Variants in MX1 observed in about 807,000 individuals in gnomAD.
MX1 encodes interferon-induced GTP-binding protein Mx1.
A neutral mutation model predicts 66.4 loss-of-function variants in MX1; 66 were observed. The ratio of observed to expected loss-of-function variants is 0.99; its 90% CI spans 0.82 to 1.22. The LOEUF (loss-of-function observed/expected upper bound fraction) is 1.22, where lower values mean the gene tolerates loss of function less well. Ranked by LOEUF, MX1 falls within the 50% of genes most tolerant of loss-of-function variation. MX1 has a pLI of 0.00. For missense variants in MX1, 787 were observed against 834.3 expected (o/e 0.94, Z 0.70); for synonymous variants, 311 against 318.1 (o/e 0.98, Z 0.24).
intron 4 of MX1, among the ~76,000 whole-genome samples, chr21:41,431,259 G>T (rs1211835011): frequency 6.6e-6 from 1 of 152,192 alleles, no homozygotes; most frequent in Non-Finnish European, 1.5e-5. Flanking sequence ...CTGACCTCAG[G>T]TGATCCACTC....
At chr21:41,431,019 G>GT (rs2090196173) in intron 4 of MX1, among the ~76,000 whole-genome samples, 2 of 152,252 alleles carry the variant, frequency 1.3e-5, no homozygotes, top group South Asian at 4.1e-4. Context: ...TAAATGTAAA[G>GT]TTTTTGTTTG....
At chr21:41,434,238 T>C (rs550534236) in intron 5 of MX1, among the ~76,000 whole-genome samples, 2 of 152,214 alleles carry the variant, frequency 1.3e-5, no homozygotes, top group African/African-American at 4.8e-5. Context: ...TCAGCCCACT[T>C]TAGGAAAATT....
At chr21:41,429,752 C>CA (rs1367441064) in intron 3 of MX1, 4 of 151,704 alleles carry the variant, frequency 2.6e-5, no homozygotes, top group African/African-American at 9.7e-5. Context: ...TAAATAAATA[C>CA]AAAAAATTAG....
chr21:41,425,828 T>C (rs940440391), upstream of MX1, among the ~76,000 whole-genome samples: 10 of 152,120 alleles, frequency 6.6e-5, no homozygotes, highest in African/African-American at 2.4e-4. Context: ...ACACAATGCC[T>C]GGGAGTCCCT....
chr21:41,429,307 C>G (rs1218545838), intron 3 of MX1: 1 of 152,138 alleles, frequency 6.6e-6, no homozygotes, highest in African/African-American at 2.4e-5. Context: ...CAGACAAAAC[C>G]CATAAGGTTT....
intron 7 of MX1, among the ~76,000 whole-genome samples, chr21:41,437,797 T>C (rs1170768311): frequency 6.6e-6 from 1 of 152,232 alleles, no homozygotes; most frequent in Non-Finnish European, 1.5e-5. Flanking sequence ...CCTCCCCCTG[T>C]TCCTTTGTAC....
Position 41,458,563 on chromosome 21 carries a change from G to A in MX1, c.1794G>A (p.Leu598=). Residue 598 remains leucine, a synonymous_variant, in exon 17 of 17, where the codon TTG becomes TTA. Coordinates refer to ENST00000398598, the MANE Select transcript of MX1 (RefSeq NM_002462.5). ...AGCGCATCTCCAGCCACATCCCTTTGATCATCCAGTTCTTCATGCTCCAGA... is the reference window on the plus strand; with the variant it reads ...AGCGCATCTCCAGCCACATCCCTTTAATCATCCAGTTCTTCATGCTCCAGA... ...ASKRISSHIP[L]IIQFFMLQTY... The A allele has an allele frequency of 6.2e-7, 1 of 1,614,180 alleles. No individual in the cohort carries two copies. Among genetic ancestry groups the A allele is most frequent in the East Asian group, 2.2e-5 (1 of 44,876 alleles).
chr21:41,439,803 A>G lies in MX1; in HGVS notation c.546A>G (p.Ile182Met), dbSNP rs2090455565. 1.2e-6 allele frequency: 2 copies of G among 1,614,052 alleles called. No individual in the cohort carries two copies. Among genetic ancestry groups the G allele is most frequent in the East Asian group, 4.5e-5 (2 of 44,866 alleles). ...PDLTLIDLPG[I>M]TRVAVGNQPA... ...TGACTCTAATAGACCTTCCTGGCAT[A>G]ACCAGAGTGGCTGTGGGCAATCAGC... The change falls in exon 8 of 17, where the codon ATA becomes ATG. Residue 182 changes from isoleucine (I) to methionine (M), a missense_variant. Physicochemically the swap from Ile to Met is conservative, Grantham distance 10. Coordinates refer to ENST00000398598, the MANE Select transcript of MX1 (RefSeq NM_002462.5).
At chr21:41,454,834 A>G (rs973623597) in intron 16 of MX1, among the ~76,000 whole-genome samples, 1 of 152,030 alleles carries the variant, frequency 6.6e-6, no homozygotes, top group Non-Finnish European at 1.5e-5. Flanking sequence ...TCCACCCAGC[A>G]CAGAGGCCTC....
Position 41,445,462 on chromosome 21 carries a change from G to C in MX1, c.1023G>C (p.Leu341=), listed in dbSNP as rs375918863. Residue 341 remains leucine (L), a synonymous_variant, in exon 12 of 17, where the codon CTG becomes CTC. Coordinates refer to ENST00000398598, the MANE Select transcript of MX1 (RefSeq NM_002462.5). The part of the protein sequence containing the change: ...LITHICKSLP[L]LENQIKETHQ... ...ATTTTCCTCAGAAATCTCTGCCCCTGTTAGAAAATCAAATCAAGGAGACTC... is the reference window on the plus strand; with the variant it reads ...ATTTTCCTCAGAAATCTCTGCCCCTCTTAGAAAATCAAATCAAGGAGACTC... 37 of 1,614,032 alleles carry C rather than the reference G, an allele frequency of 2.3e-5. No homozygotes were observed. The East Asian group carries it at 7.8e-4, about 34-fold the overall frequency.
rs961168217 is a variant in MX1 at position 41,441,083 on chromosome 21, G to T, written c.730+58G>T. ...AGAATGGGGGAGCCCGCCTGTGCTC[G>T]GTGAGAATGGGGGAGCCCACCTGTG... On this transcript the variant is annotated intron_variant, in intron 9 of 16. Transcript: ENST00000398598. This position sits in a 1 kb window ranked among gnomAD's most constrained non-coding sequence, Gnocchi z 4.0. 7.0e-7 allele frequency: 1 copy of T among 1,422,478 alleles called. No individual in the cohort carries two copies. The highest frequency in any genetic ancestry group is 9.4e-7 in the Non-Finnish European group (1 of 1,062,570). 88.1% of individuals were successfully genotyped at this position (1,422,478 alleles called of 1,614,324 possible).
chr21:41,452,500 A>G (rs998506234), intron 15 of MX1, 121 bp from the exon 16 acceptor site: 1 of 1,160,832 alleles, frequency 8.6e-7, no homozygotes, highest in Non-Finnish European at 1.2e-6. Context: ...GGGCTGTTCC[A>G]GGAAACGTGC....
Position 41,458,243 on chromosome 21 carries a change from T to G in MX1, c.1759-285T>G, listed in dbSNP as rs34517424. On this transcript the variant is annotated intron_variant, in intron 16 of 16. Coordinates refer to ENST00000398598, the MANE Select transcript of MX1 (RefSeq NM_002462.5). ...TTTTGCACTGTCTGCCTGCTTACCT[T>G]TATAGAGCATATTTTGCCCTCTTCC... Among the ~76,000 whole-genome samples, 700 of 152,294 alleles carry G rather than the reference T, an allele frequency of 4.6e-3. 8 individuals are homozygous for G. Among genetic ancestry groups the G allele is most frequent in the Middle Eastern group, 0.01 (3 of 294 alleles).
rs189537634 is a variant in MX1 at position 41,445,525 on chromosome 21, C to T, written c.1086C>T (p.Val362=). ...RITEELQKYG[V]DIPEDENEKM... is the part of the protein sequence containing the mutation. ...CAGAGGAGCTACAAAAGTATGGTGT[C>T]GACATACCGGAAGACGAAAATGAAA... Residue 362 remains valine, a synonymous_variant, in exon 12 of 17, where the codon GTC becomes GTT. Transcript: ENST00000398598. The T allele has an allele frequency of 5.6e-6, 9 of 1,614,068 alleles. No individual in the cohort carries two copies. Among genetic ancestry groups the T allele is most frequent in the Admixed American group, 1.7e-5 (1 of 60,020 alleles).
intron 3 of MX1, chr21:41,429,753 A>G (rs1030452686): frequency 1.3e-5 from 2 of 151,964 alleles, no homozygotes; most frequent in African/African-American, 4.8e-5. Context: ...AAATAAATAC[A>G]AAAAATTAGC....
intron 16 of MX1, among the ~76,000 whole-genome samples, chr21:41,454,495 A>G (rs1833270696): frequency 6.6e-6 from 1 of 152,218 alleles, no homozygotes; most frequent in Non-Finnish European, 1.5e-5. Context: ...CACTTGGCCA[A>G]GAGGGGGTCT....
intron 7 of MX1, among the ~76,000 whole-genome samples, chr21:41,438,233 A>G (rs1244352154): frequency 2.0e-5 from 3 of 152,268 alleles, no homozygotes; most frequent in Non-Finnish European, 4.4e-5. Context: ...GTTATTGACA[A>G]ACCGTGATTT....
chr21:41,427,985 A>G, intron 3 of MX1, 119 bp downstream of exon 3: 1 of 152,230 alleles, frequency 6.6e-6, no homozygotes, highest in East Asian at 1.9e-4. Context: ...AGCTCACTGC[A>G]ACCCCCGCCT....
intron 14 of MX1, 78 bp from the exon 15 acceptor site, chr21:41,451,089 A>G (rs2090810535): frequency 1.0e-6 from 1 of 962,030 alleles, no homozygotes; most frequent in African/African-American, 1.6e-5. Flanking sequence ...ATACCATTTG[A>G]TCCTCATATT....
Sources: gnomAD v4.1 joint callset for allele counts (sites outside exome capture counted in the v4.1 genomes callset) on GRCh38, gnomAD v4.1.1 for gene constraint, Gnocchi (gnomAD v3.1) non-coding constraint, MANE v1.5 for transcripts, NCBI Gene and HGNC (gene_info 2026-07-23, HGNC 2026-07-21) for gene names.